Variants in SYNJ2 observed in about 807,000 individuals in gnomAD.
SYNJ2 encodes the protein polyphosphatidylinositol phosphatase SYNJ2.
SYNJ2 carries 116 observed loss-of-function variants against 141.3 expected under a neutral mutation model. That is an observed-to-expected ratio of 0.82 (90% CI 0.71 to 0.96). SYNJ2 has a LOEUF of 0.96. SYNJ2 is among the 40% of genes least tolerant of loss of function. SYNJ2 has a pLI of 0.00. For missense variants in SYNJ2, 1,873 were observed against 1,934.8 expected, an observed-to-expected ratio of 0.97 and a Z score of 0.60; for synonymous variants, 745 against 777.7, an observed-to-expected ratio of 0.96 and a Z score of 0.70.
At chr6:158,083,707 C>A in intron 21 of SYNJ2, 110 bp downstream of exon 21, 1 of 1,392,590 alleles carries the variant, frequency 7.2e-7, no homozygotes, top group Non-Finnish European at 9.9e-7. Context: ...AGGACACCCG[C>A]AGGGCAAGCC....
intron 6 of SYNJ2, 43 bp from the exon 7 acceptor site, chr6:158,059,214 T>C (rs754130055): frequency 1.3e-6 from 2 of 1,505,144 alleles, no homozygotes; most frequent in Non-Finnish European, 8.9e-7. Context: ...AGTCTGCACC[T>C]GTGCCCGTGC....
rs61529071 is a variant in SYNJ2, at chr6:157,993,797, GTTTTTT to G, written c.127+11739_127+11744del. Reference sequence around the variant, plus strand: ...AGTTTGTGTGTCTGGAAATGTGTGGGTTTTTTTTTTTTTTTTTTTTTTTTTTTTTTT... The same window carrying G: ...AGTTTGTGTGTCTGGAAATGTGTGGGTTTTTTTTTTTTTTTTTTTTTTTTT... On this transcript the variant is annotated intron_variant, in intron 1 of 26. Transcript: ENST00000355585. Among the ~76,000 whole-genome samples the G allele has an allele frequency of 6.5e-3, 312 of 47,950 alleles. 6 individuals are homozygous for G. Among genetic ancestry groups the G allele is most frequent in the African/African-American group, 0.011 (151 of 13,270 alleles). The allele number at this position is 47,950 out of a possible 152,430, so 31.5% of individuals were successfully genotyped here. A position where few individuals can be genotyped will look rare whatever the true frequency, so the allele number is the denominator to read the frequency against.
At chr6:158,062,345 C>A in intron 8 of SYNJ2, 181 bp downstream of exon 8, 1 of 700,584 alleles carries the variant, frequency 1.4e-6, no homozygotes, top group Non-Finnish European at 1.8e-6. Flanking sequence ...TTGTGGTTTC[C>A]TGGGTCATAA....
chr6:157,982,044 G>T lies in SYNJ2; in HGVS notation c.83G>T (p.Arg28Leu), dbSNP rs1255611827. The change falls in exon 1 of 27, where the codon CGC becomes CTC. Residue 28 changes from arginine (R) to leucine (L), a missense_variant. Transcript: ENST00000355585. The surrounding 1 kb of genome is among the most constrained non-coding windows in gnomAD (Gnocchi z 4.0). ...AGCGTGCTGCTGGAGGCGCGCGGCCGCGACGACTGCCTGCTGTTCGAGGCC... is the reference window on the plus strand; with the variant it reads ...AGCGTGCTGCTGGAGGCGCGCGGCCTCGACGACTGCCTGCTGTTCGAGGCC... ...DCSVLLEARG[R>L]DDCLLFEAGT... 2.1e-5 allele frequency: 28 copies of T among 1,333,902 alleles called. No individual in the cohort carries two copies. The highest frequency in any genetic ancestry group is 1.1e-4 in the Admixed American group (3 of 26,308). 82.6% of individuals were successfully genotyped at this position (1,333,902 alleles called of 1,614,324 possible). A position where few individuals can be genotyped will look rare whatever the true frequency, so the allele number is the denominator to read the frequency against.
chr6:158,072,662 G>T (rs2128377010), intron 15 of SYNJ2, among the ~76,000 whole-genome samples: 1 of 151,722 alleles, frequency 6.6e-6, no homozygotes, highest in African/African-American at 2.4e-5. Flanking sequence ...CATAATTCCT[G>T]TTGGTGTTGT....
intron 1 of SYNJ2, among the ~76,000 whole-genome samples, chr6:157,991,533 G>A (rs896532667): frequency 1.9e-4 from 29 of 152,116 alleles, no homozygotes; most frequent in Admixed American, 7.2e-4. Flanking sequence ...TTAGTTAATT[G>A]CTCCGGGCCC....
At chr6:158,002,930 A>G (rs897721337) in intron 1 of SYNJ2, among the ~76,000 whole-genome samples, 5 of 152,186 alleles carry the variant, frequency 3.3e-5, no homozygotes, top group Non-Finnish European at 7.3e-5. Context: ...GAAAAAACTC[A>G]ACTACAAAGA....
intron 5 of SYNJ2, among the ~76,000 whole-genome samples, chr6:158,047,193 C>A (rs151328763): frequency 1.3e-5 from 2 of 152,242 alleles, no homozygotes; most frequent in Non-Finnish European, 2.9e-5. Context: ...TTGGTGCCCA[C>A]GATGCATGCC....
chr6:158,045,532 G>T (rs1376786499), intron 5 of SYNJ2, among the ~76,000 whole-genome samples: 1 of 152,168 alleles, frequency 6.6e-6, no homozygotes, highest in African/African-American at 2.4e-5. Flanking sequence ...TCTGACTCTA[G>T]AGTGTTTTGG....
intron 5 of SYNJ2, among the ~76,000 whole-genome samples, chr6:158,051,994 A>G (rs1315231952): frequency 6.6e-6 from 1 of 152,010 alleles, no homozygotes; most frequent in Non-Finnish European, 1.5e-5. Flanking sequence ...AGAAGAAAAG[A>G]AAAGGAAACC....
At chr6:157,996,353 C>T (rs1296011933) in intron 1 of SYNJ2, among the ~76,000 whole-genome samples, 1 of 152,098 alleles carries the variant, frequency 6.6e-6, no homozygotes, top group Non-Finnish European at 1.5e-5. Context: ...GCCCCATGTG[C>T]TTTCCTGGTC....
intron 2 of SYNJ2, 112 bp downstream of exon 2, chr6:158,017,402 C>A: frequency 1.0e-4 from 90 of 890,464 alleles, no homozygotes; most frequent in Middle Eastern, 3.8e-4. Context: ...TTCTCTCTCT[C>A]TTCTTTTTTT....
Position 158,028,973 on chromosome 6 carries a change from C to T in SYNJ2, c.432C>T (p.Val144=), listed in dbSNP as rs372960799. The change falls in exon 3 of 27, where the codon GTC becomes GTT. Residue 144 remains valine, a synonymous_variant. Coordinates refer to ENST00000355585, the MANE Select transcript of SYNJ2 (RefSeq NM_003898.4). The stretch of plus-strand genomic sequence containing the variant: ...ATGGGTCTCGCTTTGACCTGACTGT[C>T]CGCACGCAGAAGCAGGGGGATGACA... ...PNDGSRFDLT[V]RTQKQGDDSS... 18 of 1,613,742 alleles carry T rather than the reference C, an allele frequency of 1.1e-5. No homozygotes were observed. The African/African-American group carries it at 2.4e-4, about 22-fold the overall frequency.
intron 4 of SYNJ2, among the ~76,000 whole-genome samples, chr6:158,036,870 A>C (rs536183835): frequency 9.7e-4 from 148 of 152,314 alleles, no homozygotes; most frequent in Non-Finnish European, 1.9e-3. Context: ...TGATGTCTGC[A>C]TGGGGAGAGT....
At chr6:158,093,239 G>A in intron 26 of SYNJ2, 135 bp downstream of exon 26, 2 of 952,700 alleles carry the variant, frequency 2.1e-6, no homozygotes, top group Non-Finnish European at 3.1e-6. Context: ...TTCAAGACCA[G>A]CCTGACCAAC....
chr6:158,082,487 CAA>C (rs769884420), intron 20 of SYNJ2, among the ~76,000 whole-genome samples: 30,220 of 73,746 alleles, frequency 0.41, 3,739 homozygotes, highest in East Asian at 0.51. Flanking sequence ...ACTCTGTCTC[CAA>C]AAAAAAAAAA....
chr6:157,996,413 A>G (rs1237994509), intron 1 of SYNJ2, among the ~76,000 whole-genome samples: 1 of 151,950 alleles, frequency 6.6e-6, no homozygotes, highest in Admixed American at 6.6e-5. Flanking sequence ...TGCTCCCCGT[A>G]TAGGGATCTG....
intron 2 of SYNJ2, among the ~76,000 whole-genome samples, chr6:158,019,154 T>C (rs1469668176): frequency 6.6e-6 from 1 of 152,172 alleles, no homozygotes; most frequent in Non-Finnish European, 1.5e-5. Flanking sequence ...CTTCCTTCAG[T>C]TATAGTTGGC....
intron 5 of SYNJ2, among the ~76,000 whole-genome samples, chr6:158,047,796 A>G (rs1242399295): frequency 6.7e-6 from 1 of 149,986 alleles, no homozygotes; most frequent in African/African-American, 2.4e-5. Flanking sequence ...AAAAAAAAAA[A>G]AAAAAAAAAC....
Sources: allele counts gnomAD v4.1 joint callset (sites outside exome capture counted in the v4.1 genomes callset), GRCh38; gene constraint gnomAD v4.1.1; non-coding constraint Gnocchi (gnomAD v3.1); transcripts MANE v1.5; gene names NCBI Gene and HGNC (gene_info 2026-07-23, HGNC 2026-07-21).